The following TNRC6B variants were observed in gnomAD, a reference collection of about 807,000 sequenced individuals.
TNRC6B encodes trinucleotide repeat-containing gene 6B protein.
Under a neutral mutation model 203.6 loss-of-function variants are expected in TNRC6B, and 52 were observed. That is an observed-to-expected ratio of 0.26 (90% CI 0.20 to 0.32). The LOEUF (loss-of-function observed/expected upper bound fraction) is 0.32, where lower values mean the gene tolerates loss of function less well. TNRC6B is among the 10% of genes least tolerant of loss of function. The pLI, the probability that TNRC6B is intolerant of heterozygous loss-of-function variation, is 1.00. For missense variants in TNRC6B, 1,923 were observed against 2,286.2 expected (o/e 0.84, Z 3.24); for synonymous variants, 838 against 845.7 (o/e 0.99, Z 0.16).
chr22:40,218,324 C>CCT (rs2069663181), intron 1 of TNRC6B, among the ~76,000 whole-genome samples: 1 of 97,460 alleles, frequency 1.0e-5, no homozygotes, highest in African/African-American at 3.7e-5. Flanking sequence ...TTTTTCTTTT[C>CCT]TTTTTTTTTT....
chr22:40,154,886 T>TATATATAC (rs2068805184), intron 3 of TNRC6B, among the ~76,000 whole-genome samples: 1 of 49,652 alleles, frequency 2.0e-5, no homozygotes, highest in Non-Finnish European at 3.5e-5. Flanking sequence ...TATATATATA[T>TATATATAC]ATATATATAC....
At chr22:40,290,306 C>T (rs1177084351) in intron 12 of TNRC6B, among the ~76,000 whole-genome samples, 1 of 152,180 alleles carries the variant, frequency 6.6e-6, no homozygotes, top group Non-Finnish European at 1.5e-5. Context: ...AACGTGTCGG[C>T]GTTGCAGGAA....
intron 1 of TNRC6B, among the ~76,000 whole-genome samples, chr22:40,212,646 T>G (rs916288071): frequency 6.6e-6 from 1 of 152,096 alleles, no homozygotes; most frequent in Non-Finnish European, 1.5e-5. Flanking sequence ...TTCTTTTTTG[T>G]TTGTTTGTTT....
At chr22:40,049,477 C>G (rs1038792971) in intron 1 of TNRC6B, among the ~76,000 whole-genome samples, 1 of 152,028 alleles carries the variant, frequency 6.6e-6, no homozygotes, top group East Asian at 1.9e-4. Flanking sequence ...TTATTTTTCT[C>G]TTTTTCTAAT....
At chr22:40,082,398 G>A (rs2068069813) in intron 1 of TNRC6B, among the ~76,000 whole-genome samples, 1 of 152,184 alleles carries the variant, frequency 6.6e-6, no homozygotes, top group South Asian at 2.1e-4. Context: ...AGCCATAGGA[G>A]AGCAAGTCTT....
intron 1 of TNRC6B, among the ~76,000 whole-genome samples, chr22:40,075,259 C>G (rs2068002737): frequency 7.3e-6 from 1 of 136,712 alleles, no homozygotes; most frequent in Non-Finnish European, 1.5e-5. Flanking sequence ...GTGGATTTGT[C>G]TATTTCCCCT....
At chr22:40,320,173 C>T (rs2071316158) in intron 21 of TNRC6B, among the ~76,000 whole-genome samples, 1 of 152,166 alleles carries the variant, frequency 6.6e-6, no homozygotes, top group African/African-American at 2.4e-5. Flanking sequence ...GTGGACTGAT[C>T]TTAAATACCT....
At chr22:40,084,925 C>A (rs539930554) in intron 1 of TNRC6B, among the ~76,000 whole-genome samples, 2 of 152,168 alleles carry the variant, frequency 1.3e-5, no homozygotes, top group Admixed American at 1.3e-4. Flanking sequence ...TGGTATCATG[C>A]CTTTGTGTAG....
At chr22:40,155,327 C>T (rs900540722) in intron 3 of TNRC6B, among the ~76,000 whole-genome samples, 15 of 152,048 alleles carry the variant, frequency 9.9e-5, no homozygotes, top group African/African-American at 1.9e-4. Flanking sequence ...CTTGCTCTGT[C>T]GCCCAGGCTG....
At chr22:40,178,813 A>G (rs765093910) in intron 1 of TNRC6B, among the ~76,000 whole-genome samples, 2 of 152,058 alleles carry the variant, frequency 1.3e-5, no homozygotes, top group East Asian at 1.9e-4. Context: ...TGTGTTCTCA[A>G]ATGTGCAGCC....
intron 1 of TNRC6B, among the ~76,000 whole-genome samples, chr22:40,063,678 C>A (rs1367117875): frequency 6.6e-6 from 1 of 151,436 alleles, no homozygotes; most frequent in Admixed American, 6.6e-5. Flanking sequence ...AGGTTTTTTT[C>A]TTTTTTCTTT....
intron 14 of TNRC6B, 22 bp downstream of exon 14, chr22:40,301,027 C>T (rs1448676849): frequency 6.2e-7 from 1 of 1,604,968 alleles, no homozygotes; most frequent in East Asian, 2.2e-5. Context: ...GGCAGGGTCC[C>T]TCCAGTGCTG....
chr22:40,289,802 A>G (rs571499221), intron 12 of TNRC6B, among the ~76,000 whole-genome samples: 1 of 152,208 alleles, frequency 6.6e-6, no homozygotes, highest in South Asian at 2.1e-4. Flanking sequence ...TCCACAGACT[A>G]CTCATAGGTT....
chr22:40,134,143 C>CT (rs2146332189), intron 3 of TNRC6B, among the ~76,000 whole-genome samples: 2 of 152,266 alleles, frequency 1.3e-5, no homozygotes, highest in Admixed American at 6.5e-5. Flanking sequence ...AGTAAATACT[C>CT]TATCCTCAAG....
At chr22:40,234,258 C>G (rs1380806250) in intron 1 of TNRC6B, among the ~76,000 whole-genome samples, 1 of 152,112 alleles carries the variant, frequency 6.6e-6, no homozygotes, top group Non-Finnish European at 1.5e-5. Context: ...TGCATTCCTG[C>G]GTGATAGAGC....
chr22:40,129,411 G>C (rs541173565), intron 3 of TNRC6B, among the ~76,000 whole-genome samples: 1 of 152,300 alleles, frequency 6.6e-6, no homozygotes, highest in African/African-American at 2.4e-5. Context: ...GAAGGCACGT[G>C]CAGCTGTTCG....
intron 1 of TNRC6B, among the ~76,000 whole-genome samples, chr22:40,078,104 A>G (rs2068034182): frequency 6.6e-6 from 1 of 152,240 alleles, no homozygotes; most frequent in African/African-American, 2.4e-5. Context: ...TTAAGGCTTT[A>G]AAGATACACA....
chr22:40,049,177 C>G (rs879452702), intron 1 of TNRC6B, among the ~76,000 whole-genome samples: 67 of 152,046 alleles, frequency 4.4e-4, no homozygotes, highest in African/African-American at 1.6e-3. Flanking sequence ...GTCAGGAGTT[C>G]AAAACCAGCC....
Position 40,301,010 on chromosome 22 carries a change from G to T in TNRC6B, c.3936+5G>T. 6.2e-7 allele frequency: 1 copy of T among 1,611,032 alleles called. No homozygotes were observed. Among genetic ancestry groups the T allele is most frequent in the Non-Finnish European group, 8.5e-7 (1 of 1,178,574 alleles). Reference sequence around the variant, plus strand: ...CGCCAACAGCAAGAGCAGCAGGTACGTGGGTAGGCAGGGTCCCTCCAGTGC... The same window carrying T: ...CGCCAACAGCAAGAGCAGCAGGTACTTGGGTAGGCAGGGTCCCTCCAGTGC... On this transcript the variant is annotated splice_donor_5th_base_variant and intron_variant, in intron 14 of 22. Transcript: ENST00000454349.
Sources: allele counts gnomAD v4.1 joint callset (sites outside exome capture counted in the v4.1 genomes callset), GRCh38; gene constraint gnomAD v4.1.1; transcripts MANE v1.5; gene names NCBI Gene and HGNC (gene_info 2026-07-23, HGNC 2026-07-21).